ZBTB45: variants seen among roughly 807,000 people sequenced by gnomAD.
ZBTB45 encodes zinc finger and BTB domain-containing protein 45.
A neutral mutation model predicts 28.4 loss-of-function variants in ZBTB45; 22 were observed. The observed-to-expected ratio is 0.77, with a 90% CI of 0.55 to 1.10. The LOEUF is 1.10. Among genes scored for constraint, ZBTB45 ranks in the 50% least tolerant of loss-of-function variants. The pLI is 0.00. For missense variants in ZBTB45, 656 were observed against 750.2 expected (o/e 0.87, Z 1.47); for synonymous variants, 361 against 332.3 (o/e 1.09, Z -0.94).
Position 58,515,265 on chromosome 19 carries a change from G to A in ZBTB45, c.1280-955C>T, listed in dbSNP as rs142866118. On this transcript the variant is annotated intron_variant, in intron 2 of 2. Transcript: ENST00000594051. This position sits in a 1 kb window ranked among gnomAD's most constrained non-coding sequence, Gnocchi z 4.7. ...CAGGAGGCAGAGGTTGCAGTGAGCC[G>A]AGATCACACCACTGCACTCCAGCCT... Among the ~76,000 whole-genome samples the A allele has an allele frequency of 7.6e-3, 1,146 of 150,394 alleles. 17 individuals are homozygous for A. The highest frequency in any genetic ancestry group is 0.027 in the African/African-American group (1,083 of 40,832).
At chr19:58,527,425 G>A (rs1012455948) in intron 1 of ZBTB45, among the ~76,000 whole-genome samples, 4 of 152,162 alleles carry the variant, frequency 2.6e-5, no homozygotes, top group South Asian at 4.1e-4. Flanking sequence ...TTTCCTGAGC[G>A]TCCCCACCCC....
rs753343686 is a variant in ZBTB45 at position 58,517,219 on chromosome 19, C to T, written c.455G>A (p.Arg152His). ...ACGTGCAGCCAGCAGGTGGCGCAGG[C>T]GGTGACGCAGCTGCGCAGGTGCGAG... Reference protein sequence around the residue: ...PPLAPAQLRHRLRHLLAARPP... With the variant: ...PPLAPAQLRHHLRHLLAARPP... Residue 152 changes from arginine (R) to histidine (H), a missense_variant, in exon 2 of 3, where the codon CGC becomes CAC. Coordinates refer to ENST00000594051, the MANE Select transcript of ZBTB45 (RefSeq NM_001316979.2). The T allele has an allele frequency of 2.4e-5, 38 of 1,595,956 alleles. No individual in the cohort carries two copies. Among genetic ancestry groups the T allele is most frequent in the African/African-American group, 1.9e-4 (14 of 74,326 alleles).
At position 58,516,509 on chromosome 19, in the gene ZBTB45, A is replaced by G; in HGVS notation, c.1165T>C (p.Ser389Pro). 6.2e-7 allele frequency: 1 copy of G among 1,613,110 alleles called. No individual in the cohort carries two copies. Among genetic ancestry groups the G allele is most frequent in the Non-Finnish European group, 8.5e-7 (1 of 1,179,650 alleles). ...CCTGGGGTGCGAGCAGGGGTGCCTGAGGGGGCCGTGGTGGGAGCAGCAGAG... is the reference window on the plus strand; with the variant it reads ...CCTGGGGTGCGAGCAGGGGTGCCTGGGGGGGCCGTGGTGGGAGCAGCAGAG... ...APSAAPTTAP[S>P]GTPARTPGAE... Residue 389 changes from serine to proline, a missense_variant, in exon 2 of 3, where the codon TCA (serine) becomes CCA (proline). Coordinates refer to ENST00000594051, the MANE Select transcript of ZBTB45 (RefSeq NM_001316979.2). This position sits in a 1 kb window ranked among gnomAD's most constrained non-coding sequence, Gnocchi z 6.2.
At chr19:58,523,328 C>T (rs1235861153), upstream of ZBTB45, among the ~76,000 whole-genome samples, 3 of 151,926 alleles carry the variant, frequency 2.0e-5, no homozygotes, top group African/African-American at 7.3e-5. Context: ...GGTGGATCAC[C>T]TGAGGTCAGG....
In ZBTB45 at chr19:58,516,914, C is replaced by T. The variant is rs766362685; in HGVS notation, c.760G>A (p.Glu254Lys). Residue 254 changes from glutamate (E) to lysine (K), a missense_variant, in exon 2 of 3, where the codon GAG (glutamate) becomes AAG (lysine). Physicochemically the swap from Glu to Lys is moderately conservative, Grantham distance 56. Coordinates refer to ENST00000594051, the MANE Select transcript of ZBTB45 (RefSeq NM_001316979.2). This position sits in a 1 kb window ranked among gnomAD's most constrained non-coding sequence, Gnocchi z 6.2. ...FLTAAADSAC[E>K]EPPAPTGLAD... ...AGGCCAGTGGGTGCAGGGGGCTCCT[C>T]GCACGCGCTGTCAGCAGCAGCAGTG... 14 of 1,613,192 alleles carry T rather than the reference C, an allele frequency of 8.7e-6. No homozygotes were observed. The highest frequency in any genetic ancestry group is 1.6e-4 in the Middle Eastern group (1 of 6,078).
intron 1 of ZBTB45, among the ~76,000 whole-genome samples, chr19:58,538,470 C>A (rs1600073814): frequency 6.6e-6 from 1 of 152,192 alleles, no homozygotes; most frequent in African/African-American, 2.4e-5. Flanking sequence ...GAGGCGGTGA[C>A]TATGCCGCGG....
chr19:58,531,855 C>T (rs2053637025), intron 1 of ZBTB45, among the ~76,000 whole-genome samples: 2 of 152,156 alleles, frequency 1.3e-5, no homozygotes, highest in African/African-American at 2.4e-5. Context: ...TTCCACCATT[C>T]TTTGGGCACC....
At chr19:58,527,276 A>G (rs1018733766) in intron 1 of ZBTB45, among the ~76,000 whole-genome samples, 6 of 151,930 alleles carry the variant, frequency 3.9e-5, no homozygotes, top group African/African-American at 7.3e-5. Flanking sequence ...AGTCTTTCAC[A>G]CCTCCAGACA....
intron 1 of ZBTB45, among the ~76,000 whole-genome samples, chr19:58,536,608 A>T (rs1600072837): frequency 6.6e-6 from 1 of 152,088 alleles, no homozygotes; most frequent in East Asian, 1.9e-4. Context: ...GCGCCACTGC[A>T]CTCCAGCCTG....
chr19:58,517,074 G>A lies in ZBTB45; in HGVS notation c.600C>T (p.Ser200=), dbSNP rs61735227. 824 of 1,613,102 alleles carry A rather than the reference G, an allele frequency of 5.1e-4. No homozygotes were observed. Among genetic ancestry groups the A allele is most frequent in the Non-Finnish European group, 6.7e-4 (788 of 1,179,984 alleles). Residue 200 remains serine, a synonymous_variant, in exon 2 of 3, where the codon TCC becomes TCT. Coordinates refer to ENST00000594051, the MANE Select transcript of ZBTB45 (RefSeq NM_001316979.2). ...CGTCACCTCGGTCATCAGGGGCCGCGGACAGTGAGGGGTCAGCATCAGGCC... is the reference window on the plus strand; with the variant it reads ...CGTCACCTCGGTCATCAGGGGCCGCAGACAGTGAGGGGTCAGCATCAGGCC... ...AEGPDADPSL[S]AAPDDRGDED...
chr19:58,524,093 A>G (rs1411015983), upstream of ZBTB45, among the ~76,000 whole-genome samples: 1 of 128,572 alleles, frequency 7.8e-6, no homozygotes, highest in Non-Finnish European at 1.6e-5. Flanking sequence ...AGGGCTTGGG[A>G]CGGTGGCTTA....
At chr19:58,535,619 T>C (rs1368372818) in intron 1 of ZBTB45, among the ~76,000 whole-genome samples, 1 of 152,156 alleles carries the variant, frequency 6.6e-6, no homozygotes, top group Non-Finnish European at 1.5e-5. Flanking sequence ...CCTCCTGCCT[T>C]GGCCTCTCAA....
intron 1 of ZBTB45, among the ~76,000 whole-genome samples, chr19:58,535,284 G>A (rs1186886516): frequency 6.6e-6 from 1 of 151,982 alleles, no homozygotes; most frequent in Non-Finnish European, 1.5e-5. Context: ...GTGATTACAG[G>A]CATGAGCCAC....
At chr19:58,525,372 G>A (rs2053602078) in intron 1 of ZBTB45, among the ~76,000 whole-genome samples, 1 of 152,194 alleles carries the variant, frequency 6.6e-6, no homozygotes, top group African/African-American at 2.4e-5. Context: ...TATACCTGCA[G>A]AAATGCTTCC....
At position 58,517,465 on chromosome 19, in the gene ZBTB45, C is replaced by T. The variant is rs779804604; in HGVS notation, c.209G>A (p.Arg70His). 3.7e-6 allele frequency: 6 copies of T among 1,612,960 alleles called. No homozygotes were observed. Among genetic ancestry groups the T allele is most frequent in the Middle Eastern group, 1.6e-4 (1 of 6,084 alleles). ...CTGCGCGGGCACCACCGGAGGCACA[C>T]GGATCTCAGAGTGGCCGAGCAGCAG... Reference protein sequence around the residue: ...DKLLLGHSEIRVPPVVPAQTV... With the variant: ...DKLLLGHSEIHVPPVVPAQTV... The change falls in exon 2 of 3, where the codon CGT becomes CAT. Residue 70 changes from arginine (R) to histidine (H), a missense_variant. Physicochemically the swap from Arg to His is conservative, Grantham distance 29. Transcript: ENST00000594051.
rs754715522 is a variant in ZBTB45 at position 58,517,544 on chromosome 19, G to T, written c.130C>A (p.Leu44Met). Residue 44 changes from leucine (L) to methionine (M), a missense_variant, in exon 2 of 3, where the codon CTG becomes ATG. Leu to Met is a conservative substitution (Grantham distance 15). Around this residue, in one of 3 missense-constraint regions of ZBTB45, gnomAD observed 105 missense variants for 152.4 expected, o/e 0.69. Coordinates refer to ENST00000594051, the MANE Select transcript of ZBTB45 (RefSeq NM_001316979.2). ...DVTVRIREASLRAHRCVLAAG... is the reference protein window; with the variant it reads ...DVTVRIREASMRAHRCVLAAG... ...GCCAGCACGCAGCGGTGGGCACGCA[G>T]CGAAGCTTCACGAATGCGCACAGTC... 1 of 1,613,556 alleles carries T rather than the reference G, an allele frequency of 6.2e-7. No individual in the cohort carries two copies.
intron 1 of ZBTB45, among the ~76,000 whole-genome samples, chr19:58,528,246 G>A (rs2053617797): frequency 6.6e-6 from 1 of 152,138 alleles, no homozygotes; most frequent in Non-Finnish European, 1.5e-5. Context: ...CTGTTTACAG[G>A]AGACTATAAA....
rs1271887602 is a variant in ZBTB45 at position 58,515,387 on chromosome 19, C to T, written c.1279+1008G>A. 2.0e-5 allele frequency among the ~76,000 whole-genome samples: 3 copies of T among 152,010 alleles called. No homozygotes were observed. The highest frequency in any genetic ancestry group is 7.3e-5 in the African/African-American group (3 of 41,376). On this transcript the variant is annotated intron_variant, in intron 2 of 2. Transcript: ENST00000594051. The surrounding 1 kb of genome is among the most constrained non-coding windows in gnomAD (Gnocchi z 4.7). ...GAAAGGCAGTGCCTGCCAGAGGGTA[C>T]CCCAGAATAACCTGGCCCAGGCACC...
At chr19:58,522,093 C>T (rs28402833), upstream of ZBTB45, among the ~76,000 whole-genome samples, 9,279 of 151,156 alleles carry the variant, frequency 0.061, 915 homozygotes, top group African/African-American at 0.21. Context: ...GAGGCCGAGG[C>T]GGGTGGATCA....
Sources: allele counts gnomAD v4.1 joint callset (sites outside exome capture counted in the v4.1 genomes callset), GRCh38; gene constraint gnomAD v4.1.1; regional missense constraint gnomAD v4.1.1; non-coding constraint Gnocchi (gnomAD v3.1); transcripts MANE v1.5; gene names NCBI Gene and HGNC (gene_info 2026-07-23, HGNC 2026-07-21).